The following GFRA2 variants were observed in gnomAD, a reference collection of about 807,000 sequenced individuals.
GFRA2 encodes the protein GDNF family receptor alpha 2, also known as GDNF family receptor alpha-2.
GFRA2 carries 17 observed loss-of-function variants against 48.3 expected under a neutral mutation model. The observed-to-expected ratio is 0.35, with a 90% CI of 0.24 to 0.53. The LOEUF is 0.53. GFRA2 is among the 20% of genes least tolerant of loss of function. The pLI is 0.93. For missense variants in GFRA2, 660 were observed against 637.3 expected, an observed-to-expected ratio of 1.04 and a Z score of -0.38; for synonymous variants, 305 against 257.2, an observed-to-expected ratio of 1.19 and a Z score of -1.78.
At chr8:21,741,537 G>C (rs1303139414) in intron 4 of GFRA2, among the ~76,000 whole-genome samples, 1 of 152,068 alleles carries the variant, frequency 6.6e-6, no homozygotes, top group African/African-American at 2.4e-5. Flanking sequence ...CAGCTCCAAG[G>C]GGGCAGAGAC....
At chr8:21,789,934 G>A (rs2117099571), upstream of GFRA2, 1 of 322,776 alleles carries the variant, frequency 3.1e-6, no homozygotes, top group African/African-American at 2.2e-5. Flanking sequence ...CCCGGGCCGG[G>A]GCTCCGCAGC....
intron 4 of GFRA2, among the ~76,000 whole-genome samples, chr8:21,746,948 C>T (rs1805036319): frequency 6.6e-6 from 1 of 152,150 alleles, no homozygotes; most frequent in Admixed American, 6.5e-5. Context: ...TCACATTATC[C>T]ACCCTTCCTT....
chr8:21,808,748 C>T (rs892023947), intron 1 of GFRA2, among the ~76,000 whole-genome samples: 24 of 152,358 alleles, frequency 1.6e-4, no homozygotes, highest in African/African-American at 4.6e-4. Context: ...CCTAGGGCCA[C>T]GTGGATGGCC....
Position 21,751,714 on chromosome 8 carries a change from G to A in GFRA2, c.440-772C>T, listed in dbSNP as rs111738652. ...GACTTGGGGTGAGGAGGTAGGCTGA[G>A]GTCACACGTCCCTCTCACGTGGGCC... On this transcript the variant is annotated intron_variant, in intron 3 of 8. Transcript: ENST00000524240. Among the ~76,000 whole-genome samples, 777 of 152,304 alleles carry A rather than the reference G, an allele frequency of 5.1e-3. 5 individuals are homozygous for A. The highest frequency in any genetic ancestry group is 0.018 in the African/African-American group (749 of 41,550).
Position 21,693,201 on chromosome 8 carries a change from G to C in GFRA2, c.*77C>G. On this transcript the variant is annotated 3_prime_UTR_variant, in exon 9 of 9. Coordinates refer to ENST00000524240, the MANE Select transcript of GFRA2 (RefSeq NM_001495.5). ...TTTTTTGCAAGGTGTGTGTGTGTCT[G>C]TGTGTGTTTCCATTTCGTCAGGCGG... The C allele has an allele frequency of 4.8e-6, 7 of 1,443,998 alleles. No homozygotes were observed. The highest frequency in any genetic ancestry group is 6.6e-6 in the Non-Finnish European group (7 of 1,058,908). The allele number at this position is 1,443,998 out of a possible 1,614,324, so 89.4% of individuals were successfully genotyped here.
intron 3 of GFRA2, among the ~76,000 whole-genome samples, chr8:21,769,835 C>G (rs1017069204): frequency 1.3e-5 from 2 of 152,162 alleles, no homozygotes; most frequent in African/African-American, 4.8e-5. Context: ...GGCTTCTTGG[C>G]AAGGGGTAGC....
chr8:21,768,154 C>A (rs1419691495), intron 3 of GFRA2, among the ~76,000 whole-genome samples: 2 of 152,228 alleles, frequency 1.3e-5, no homozygotes, highest in Non-Finnish European at 2.9e-5. Context: ...GCACCCCACA[C>A]CTGCTCCTTG....
intron 1 of GFRA2, 74 bp from the exon 2 acceptor site, chr8:21,782,973 G>T (rs1201935547): frequency 4.3e-6 from 6 of 1,389,896 alleles, no homozygotes; most frequent in Non-Finnish European, 5.9e-6. Flanking sequence ...AGGCCTGGGG[G>T]CTTGGGCCCT....
chr8:21,781,674 C>T (rs569616580), intron 2 of GFRA2, among the ~76,000 whole-genome samples: 1 of 152,044 alleles, frequency 6.6e-6, no homozygotes, highest in East Asian at 1.9e-4. Flanking sequence ...GACTCGGCTT[C>T]AGGAGGGCAG....
At position 21,788,112 on chromosome 8, in the gene GFRA2, G is replaced by C. The variant is rs1323394155; in HGVS notation, c.40+8C>G. 5.9e-6 allele frequency: 9 copies of C among 1,526,506 alleles called. No homozygotes were observed. Among genetic ancestry groups the C allele is most frequent in the Non-Finnish European group, 7.1e-6 (8 of 1,125,300 alleles). The allele number at this position is 1,526,506 out of a possible 1,614,324, so 94.6% of individuals were successfully genotyped here. A position where few individuals can be genotyped will look rare whatever the true frequency, so the allele number is the denominator to read the frequency against. The stretch of plus-strand genomic sequence containing the variant: ...TCCCCCTCGAGCTCGCCGCCCGCAG[G>C]TACTCACCTAGAAAGAAGAAGAGGC... On this transcript the variant is annotated splice_region_variant and intron_variant, in intron 1 of 8. Transcript: ENST00000524240.
upstream of GFRA2, among the ~76,000 whole-genome samples, chr8:21,788,999 G>A (rs1807427355): frequency 6.8e-6 from 1 of 147,588 alleles, no homozygotes; most frequent in South Asian, 2.1e-4. Context: ...CTCCGCCCCG[G>A]GCTCGGCGCT....
intron 5 of GFRA2, 34 bp from the exon 6 acceptor site, chr8:21,705,159 G>A: frequency 6.3e-7 from 1 of 1,584,596 alleles, no homozygotes; most frequent in Non-Finnish European, 8.6e-7. Flanking sequence ...AGAGGAGAGA[G>A]GTACGGTGGG....
intron 4 of GFRA2, among the ~76,000 whole-genome samples, chr8:21,714,721 A>G (rs1014530308): frequency 2.0e-5 from 3 of 152,150 alleles, no homozygotes; most frequent in Non-Finnish European, 2.9e-5. Flanking sequence ...CATATTTCAC[A>G]ATGAGGACAC....
chr8:21,703,076 T>G (rs1374524380), intron 6 of GFRA2, 99 bp from the exon 7 acceptor site: 2 of 736,410 alleles, frequency 2.7e-6, no homozygotes, highest in Non-Finnish European at 4.2e-6. Flanking sequence ...CCCCCTTCCC[T>G]GGAATGGTCC....
At chr8:21,759,476 AAGAAGGAAAGAAG>A (rs1563252102) in intron 3 of GFRA2, among the ~76,000 whole-genome samples, 19 of 126,300 alleles carry the variant, frequency 1.5e-4, no homozygotes, top group Non-Finnish European at 2.7e-4. Flanking sequence ...GAGGGAGGGA[AAGAAGGAAAGAAG>A]GAAGGAAGGA....
chr8:21,788,574 G>T lies in GFRA2; in HGVS notation c.-415C>A, dbSNP rs1413156718. On this transcript the variant is annotated 5_prime_UTR_variant, in exon 1 of 9. Transcript: ENST00000524240. ...GAGGCGATTTGCGAGTGAAGGGCTGGAAGGAAGCGGCGAGGGAGGGGGTCG... is the reference window on the plus strand; with the variant it reads ...GAGGCGATTTGCGAGTGAAGGGCTGTAAGGAAGCGGCGAGGGAGGGGGTCG... 9 of 1,004,144 alleles carry T rather than the reference G, an allele frequency of 9.0e-6. No individual in the cohort carries two copies. The highest frequency in any genetic ancestry group is 1.1e-5 in the Non-Finnish European group (9 of 842,986). The allele number at this position is 1,004,144 out of a possible 1,614,324, so 62.2% of individuals were successfully genotyped here.
intron 1 of GFRA2, among the ~76,000 whole-genome samples, chr8:21,809,129 C>T (rs1807929100): frequency 6.6e-6 from 1 of 152,162 alleles, no homozygotes; most frequent in African/African-American, 2.4e-5. Context: ...GTCAGCCCAA[C>T]ATCACGCAAG....
At chr8:21,736,443 A>G (rs1804467050) in intron 4 of GFRA2, among the ~76,000 whole-genome samples, 1 of 152,320 alleles carries the variant, frequency 6.6e-6, no homozygotes, top group Non-Finnish European at 1.5e-5. Context: ...TTGGGGTGTT[A>G]GGATTGAAGA....
intron 4 of GFRA2, among the ~76,000 whole-genome samples, chr8:21,733,758 T>C (rs1230948318): frequency 6.6e-6 from 1 of 152,192 alleles, no homozygotes; most frequent in Non-Finnish European, 1.5e-5. Flanking sequence ...GGATAGAGGC[T>C]GAGGTTTGAT....
Sources: gnomAD v4.1 joint callset for allele counts (sites outside exome capture counted in the v4.1 genomes callset) on GRCh38, gnomAD v4.1.1 for gene constraint, MANE v1.5 for transcripts, NCBI Gene and HGNC (gene_info 2026-07-23, HGNC 2026-07-21) for gene names.